PSME3: variants seen among roughly 807,000 people sequenced by gnomAD.
The protein encoded by PSME3 is proteasome activator subunit 3.
In PSME3, 7 loss-of-function variants were observed where a neutral mutation model predicts 38.3. That is an observed-to-expected ratio of 0.18 (90% CI 0.10 to 0.34). The LOEUF (loss-of-function observed/expected upper bound fraction) is 0.34. Among genes scored for constraint, PSME3 ranks in the 10% least tolerant of loss-of-function variants. The pLI, the probability that PSME3 is intolerant of heterozygous loss-of-function variation, is 1.00. For synonymous variants in PSME3, 108 were observed against 105.7 expected (o/e 1.02, Z -0.13); for missense variants, 192 against 307.6 (o/e 0.62, Z 2.81).
intron 1 of PSME3, 149 bp downstream of exon 1, chr17:42,833,822 G>A: frequency 6.4e-7 from 1 of 1,558,848 alleles, no homozygotes; most frequent in Non-Finnish European, 8.7e-7. Flanking sequence ...TCCCGGGGTC[G>A]GCTTCGCGGG....
intron 1 of PSME3, 158 bp from the exon 2 acceptor site, chr17:42,834,186 A>T (rs1164189274): frequency 2.6e-6 from 4 of 1,530,906 alleles, no homozygotes; most frequent in Non-Finnish European, 3.5e-6. Flanking sequence ...TCTGAGATGG[A>T]AAAATGGATC....
At position 42,842,450 on chromosome 17, in the gene PSME3, G is replaced by A. The variant is rs1240367278; in HGVS notation, c.*872G>A. Reference sequence around the variant, plus strand: ...ATGAGAAGCAGAGGGCTTGGGGAAAGCCTGTTCCTCTCTGACTCAGCCCTT... The same window carrying A: ...ATGAGAAGCAGAGGGCTTGGGGAAAACCTGTTCCTCTCTGACTCAGCCCTT... On this transcript the variant is annotated 3_prime_UTR_variant, in exon 11 of 11. Coordinates refer to ENST00000590720, the MANE Select transcript of PSME3 (RefSeq NM_005789.4). 6.5e-6 allele frequency: 1 copy of A among 152,804 alleles called. No homozygotes were observed. Among genetic ancestry groups the A allele is most frequent in the Non-Finnish European group, 1.5e-5 (1 of 68,038 alleles). The allele number at this position is 152,804 out of a possible 1,614,324, so 9.5% of individuals were successfully genotyped here.
intron 4 of PSME3, among the ~76,000 whole-genome samples, chr17:42,835,265 G>T (rs1260312605): frequency 6.6e-6 from 1 of 152,080 alleles, no homozygotes; most frequent in Non-Finnish European, 1.5e-5. Flanking sequence ...TCAAACTCCT[G>T]AGCTCAAGTA....
intron 5 of PSME3, 47 bp from the exon 6 acceptor site, chr17:42,838,046 G>A: frequency 1.3e-6 from 2 of 1,594,076 alleles, no homozygotes; most frequent in African/African-American, 1.3e-5. Context: ...AGGGGATGCT[G>A]TGTCCTTCCC....
Position 42,833,641 on chromosome 17 carries a change from T to C in PSME3, c.10T>C (p.Leu4=). MAS[L]LKVDQEVKLK... ...ACGGCCCGGCCCGGCCATGGCCTCGTTGCTGAAGGTGGATCAGGAAGTGAA... is the reference window on the plus strand; with the variant it reads ...ACGGCCCGGCCCGGCCATGGCCTCGCTGCTGAAGGTGGATCAGGAAGTGAA... Residue 4 remains leucine, a synonymous_variant, in exon 1 of 11, where the codon TTG becomes CTG. Transcript: ENST00000590720. The C allele has an allele frequency of 6.2e-7, 1 of 1,614,206 alleles. No homozygotes were observed. The highest frequency in any genetic ancestry group is 8.5e-7 in the Non-Finnish European group (1 of 1,180,028).
Position 42,841,531 on chromosome 17 carries a change from G to A in PSME3, c.718G>A (p.Glu240Lys). Residue 240 changes from glutamate (E) to lysine (K), a missense_variant, in exon 11 of 11, where the codon GAG (glutamate) becomes AAG (lysine). Transcript: ENST00000590720. ...ACATGACATGATCCTGAAAAATATC[G>A]AGAAGATCAAACGGCCCCGGAGCAG... ...TLHDMILKNIEKIKRPRSSNA... is the reference protein window; with the variant it reads ...TLHDMILKNIKKIKRPRSSNA... 1 of 1,609,738 alleles carries A rather than the reference G, an allele frequency of 6.2e-7. No homozygotes were observed. The highest frequency in any genetic ancestry group is 8.5e-7 in the Non-Finnish European group (1 of 1,177,494).
rs748947995 is a variant in PSME3, at chr17:42,838,813, A to C, written c.474+14A>C. 6.3e-7 allele frequency: 1 copy of C among 1,587,896 alleles called. No homozygotes were observed. Among genetic ancestry groups the C allele is most frequent in the African/African-American group, 1.3e-5 (1 of 74,378 alleles). On this transcript the variant is annotated intron_variant, in intron 7 of 10. Coordinates refer to ENST00000590720, the MANE Select transcript of PSME3 (RefSeq NM_005789.4). ...GTGTCCATTCAGGTAATGTACTTGA[A>C]TTACATACTGGGAAGAGTGGCTTGG...
intron 1 of PSME3, 187 bp from the exon 2 acceptor site, chr17:42,834,157 C>G (rs924671441): frequency 6.7e-7 from 1 of 1,502,176 alleles, no homozygotes; most frequent in Admixed American, 2.2e-5. Context: ...CAGGTGCTGT[C>G]CTCAAAGCCC....
At chr17:42,835,069 C>CT (rs1038376380) in intron 4 of PSME3, among the ~76,000 whole-genome samples, 193 bp downstream of exon 4, 3 of 152,024 alleles carry the variant, frequency 2.0e-5, no homozygotes, top group African/African-American at 7.3e-5. Flanking sequence ...AAGGGTGTCA[C>CT]TTTTTTTGCC....
intron 1 of PSME3, chr17:42,833,924 A>T: frequency 6.9e-7 from 1 of 1,443,362 alleles, no homozygotes. Context: ...TCAGGGCTTT[A>T]GGCCCGTGAC....
At position 42,839,005 on chromosome 17, in the gene PSME3, A is replaced by G; in HGVS notation, c.535A>G (p.Ile179Val). Residue 179 changes from isoleucine (I) to valine (V), a missense_variant, in exon 8 of 11, where the codon ATT becomes GTT. By Grantham distance (29) the Ile-to-Val change is conservative. Coordinates refer to ENST00000590720, the MANE Select transcript of PSME3 (RefSeq NM_005789.4). ...TGAAGCTGCATCTTATCTGGACCAG[A>G]TTTCTAGGTAGGGCTGCTTGGGCTT... ...ESEAASYLDQ[I>V]SRYYITRAKL... 2 of 1,614,088 alleles carry G rather than the reference A, an allele frequency of 1.2e-6. No homozygotes were observed. Among genetic ancestry groups the G allele is most frequent in the Non-Finnish European group, 1.7e-6 (2 of 1,180,010 alleles).
intron 4 of PSME3, 27 bp from the exon 5 acceptor site, chr17:42,837,622 C>T (rs760281375): frequency 6.2e-7 from 1 of 1,613,072 alleles, no homozygotes; most frequent in Non-Finnish European, 8.5e-7. Flanking sequence ...CAAAACTAGG[C>T]TCATCCCTGC....
rs1457821481 is a variant in PSME3, at chr17:42,838,198, G to A, written c.398G>A (p.Cys133Tyr). Residue 133 changes from cysteine (C) to tyrosine (Y), a missense_variant, in exon 6 of 11, where the codon TGT becomes TAT. Cys to Tyr is a radical substitution (Grantham distance 194, BLOSUM62 -2). Transcript: ENST00000590720. ...KPEIRLLIEK[C>Y]NTVKMWVQLL... Reference sequence around the variant, plus strand: ...GAGATCCGGCTGTTGATTGAGAAATGTAACACGGTGAGGCACAGGCTGGTG... The same window carrying A: ...GAGATCCGGCTGTTGATTGAGAAATATAACACGGTGAGGCACAGGCTGGTG... 1.2e-6 allele frequency: 2 copies of A among 1,613,832 alleles called. No individual in the cohort carries two copies. Among genetic ancestry groups the A allele is most frequent in the African/African-American group, 1.3e-5 (1 of 74,930 alleles).
At chr17:42,838,624 G>C (rs1367465753) in intron 6 of PSME3, 107 bp from the exon 7 acceptor site, 2 of 1,087,710 alleles carry the variant, frequency 1.8e-6, no homozygotes, top group Non-Finnish European at 1.4e-6. Flanking sequence ...GGCCAGACTA[G>C]GTATTTTGAC....
intron 1 of PSME3, 151 bp downstream of exon 1, chr17:42,833,824 C>T: frequency 1.9e-6 from 3 of 1,557,346 alleles, no homozygotes; most frequent in South Asian, 2.3e-5. Context: ...CCGGGGTCGG[C>T]TTCGCGGGAG....
Position 42,843,496 on chromosome 17 carries a change from C to G in PSME3, c.*1918C>G, listed in dbSNP as rs2055559333. 1 of 152,318 alleles carries G rather than the reference C, an allele frequency of 6.6e-6. No homozygotes were observed. The highest frequency in any genetic ancestry group is 2.4e-5 in the African/African-American group (1 of 41,428). 9.4% of individuals were successfully genotyped at this position (152,318 alleles called of 1,614,324 possible). A position where few individuals can be genotyped will look rare whatever the true frequency, so the allele number is the denominator to read the frequency against. Reference sequence around the variant, plus strand: ...TCCCAGACCTAAGCTGCCTTCTCTCCCTACTTTCAGAAGATCCTAGTTCCT... The same window carrying G: ...TCCCAGACCTAAGCTGCCTTCTCTCGCTACTTTCAGAAGATCCTAGTTCCT... On this transcript the variant is annotated 3_prime_UTR_variant, in exon 11 of 11. Transcript: ENST00000590720.
At chr17:42,834,444 G>GAA (rs2055437399) in intron 2 of PSME3, 68 bp downstream of exon 2, 1 of 1,585,482 alleles carries the variant, frequency 6.3e-7, no homozygotes, top group Admixed American at 1.7e-5. Flanking sequence ...CCTGGAGAGA[G>GAA]AGAGAGAGAG....
At chr17:42,834,439 A>G (rs2055437309) in intron 2 of PSME3, 63 bp downstream of exon 2, 4 of 372,474 alleles carry the variant, frequency 1.1e-5, no homozygotes, top group Non-Finnish European at 1.2e-5. Flanking sequence ...AGATACCTGG[A>G]GAGAGAGAGA....
chr17:42,841,671 T>A lies in PSME3; in HGVS notation c.*93T>A. On this transcript the variant is annotated 3_prime_UTR_variant, in exon 11 of 11. Transcript: ENST00000590720. The stretch of plus-strand genomic sequence containing the variant: ...TGACTATCGTGATGGGGAAACTGGC[T>A]GGAAATAGTAATCACACCTCTCTGT... The A allele has an allele frequency of 1.3e-6, 1 of 795,190 alleles. No homozygotes were observed. The highest frequency in any genetic ancestry group is 1.9e-6 in the Non-Finnish European group (1 of 516,822). 49.3% of individuals were successfully genotyped at this position (795,190 alleles called of 1,614,324 possible). A position where few individuals can be genotyped will look rare whatever the true frequency, so the allele number is the denominator to read the frequency against.
Sources: allele counts gnomAD v4.1 joint callset (sites outside exome capture counted in the v4.1 genomes callset), GRCh38; gene constraint gnomAD v4.1.1; transcripts MANE v1.5; gene names NCBI Gene and HGNC (gene_info 2026-07-23, HGNC 2026-07-21).